TENT5D: variants seen among roughly 807,000 people sequenced by gnomAD.
TENT5D encodes the protein terminal nucleotidyltransferase 5D.
For missense variants in TENT5D, 191 were observed against 287.0 expected (o/e 0.67, Z 2.42); for synonymous variants, 103 against 100.6 (o/e 1.02, Z -0.15).
intron 3 of TENT5D, among the ~76,000 whole-genome samples, chrX:80,347,116 T>C (rs888579088): frequency 4.5e-5 from 5 of 111,951 alleles, no homozygotes; most frequent in African/African-American, 1.6e-4. Flanking sequence ...TTTGCTATTG[T>C]AAATATTGCT....
At chrX:80,378,293 A>G (rs1930776054) in intron 3 of TENT5D, among the ~76,000 whole-genome samples, 3 of 111,512 alleles carry the variant, frequency 2.7e-5, no homozygotes, top group Non-Finnish European at 3.8e-5. Context: ...TTGGTGTTTT[A>G]GACATGAAGT....
chrX:80,393,459 G>A (rs964253111), intron 3 of TENT5D, among the ~76,000 whole-genome samples: 1 of 110,508 alleles, frequency 9.0e-6, no homozygotes, highest in African/African-American at 3.3e-5. Flanking sequence ...TATATTTATG[G>A]GGTACAATGT....
chrX:80,369,718 A>T (rs1191447546), intron 3 of TENT5D, among the ~76,000 whole-genome samples: 5 of 111,531 alleles, frequency 4.5e-5, no homozygotes, highest in Non-Finnish European at 9.4e-5. Flanking sequence ...CTAAATACAG[A>T]TGGAAAATAC....
chrX:80,362,955 G>A (rs753274106), intron 3 of TENT5D, among the ~76,000 whole-genome samples: 1 of 111,915 alleles, frequency 8.9e-6, no homozygotes, highest in South Asian at 3.7e-4. Context: ...TCTCAAACCT[G>A]TTTAAGATAA....
intron 3 of TENT5D, among the ~76,000 whole-genome samples, chrX:80,397,635 G>A (rs745591185): frequency 6.7e-5 from 5 of 74,329 alleles, no homozygotes; most frequent in Admixed American, 1.7e-4. Flanking sequence ...TCCAGCCTGG[G>A]CACCATGGAG....
chrX:80,352,932 G>GC (rs1930215656), intron 3 of TENT5D, among the ~76,000 whole-genome samples: 1 of 110,162 alleles, frequency 9.1e-6, no homozygotes, highest in South Asian at 3.9e-4. Context: ...GGGGAGGGAG[G>GC]CCCCCAACTC....
chrX:80,442,895 A>G (rs780459324), exon 3 of TENT5D: 6 of 1,209,292 alleles, frequency 5.0e-6, no homozygotes, highest in African/African-American at 1.8e-5. Context: ...GTAAAGAAGG[A>G]AAAGCTCTCC....
intron 3 of TENT5D, among the ~76,000 whole-genome samples, chrX:80,346,881 A>G (rs1930074153): frequency 9.1e-6 from 1 of 109,356 alleles, no homozygotes; most frequent in African/African-American, 3.3e-5. Flanking sequence ...CCCTGTGTCT[A>G]TGTGTTCTCA....
At position 80,347,924 on chromosome X, in the gene TENT5D, T is replaced by C. The variant is rs191003808; in HGVS notation, c.-142+5360T>C. ...AGTTTTCCCAGCACCATTTATTAAA[T>C]AGGGAATCCTTTCCCCATTGCTTGT... On this transcript the variant is annotated intron_variant, in intron 3 of 4. Transcript: ENST00000538312. 4.5e-3 allele frequency among the ~76,000 whole-genome samples: 505 copies of C among 112,155 alleles called. 3 individuals are homozygous for C. The highest frequency in any genetic ancestry group is 0.015 in the African/African-American group (471 of 30,906).
intron 3 of TENT5D, among the ~76,000 whole-genome samples, chrX:80,351,107 G>A (rs1346775609): frequency 9.0e-6 from 1 of 110,819 alleles, no homozygotes; most frequent in Non-Finnish European, 1.9e-5. Flanking sequence ...TGGAGAATCT[G>A]ACGATTATGT....
intron 1 of TENT5D, among the ~76,000 whole-genome samples, chrX:80,436,564 C>T (rs1287770889): frequency 1.8e-5 from 2 of 110,112 alleles, no homozygotes; most frequent in African/African-American, 3.3e-5. Flanking sequence ...CGATAGGTCC[C>T]GGTGTGTGAT....
At chrX:80,396,968 T>A (rs1931270676) in intron 3 of TENT5D, among the ~76,000 whole-genome samples, 2 of 49,487 alleles carry the variant, frequency 4.0e-5, no homozygotes, top group African/African-American at 7.9e-5. Context: ...CACTTCCCAG[T>A]AGGGGCGGCT....
At chrX:80,394,320 G>T (rs1248197726) in intron 3 of TENT5D, among the ~76,000 whole-genome samples, 4 of 75,054 alleles carry the variant, frequency 5.3e-5, no homozygotes, top group South Asian at 6.4e-4. Flanking sequence ...ATGTTGAGCA[G>T]TTTTTTTTTT....
At chrX:80,402,577 GTATGT>G (rs769107920) in intron 3 of TENT5D, among the ~76,000 whole-genome samples, 2 of 111,611 alleles carry the variant, frequency 1.8e-5, no homozygotes, top group East Asian at 2.8e-4. Flanking sequence ...CATAAATTTG[GTATGT>G]TATATTTCCA....
chrX:80,373,212 T>A (rs1930661098), intron 3 of TENT5D, among the ~76,000 whole-genome samples: 1 of 111,245 alleles, frequency 9.0e-6, no homozygotes, highest in Non-Finnish European at 1.9e-5. Flanking sequence ...TTTTTAAAAT[T>A]ATTTTTTTCA....
At chrX:80,390,102 T>C (rs1931096998) in intron 3 of TENT5D, among the ~76,000 whole-genome samples, 1 of 111,250 alleles carries the variant, frequency 9.0e-6, no homozygotes, top group Admixed American at 9.5e-5. Context: ...GAAGGTAGCA[T>C]AGATAGCCAT....
chrX:80,382,699 C>G (rs919631671), intron 3 of TENT5D, among the ~76,000 whole-genome samples: 1 of 15,185 alleles, frequency 6.6e-5, no homozygotes, highest in African/African-American at 3.0e-4. Flanking sequence ...TCAGCAATGG[C>G]GGACGCCCCC....
At chrX:80,337,919 C>G (rs1929884023) in intron 2 of TENT5D, among the ~76,000 whole-genome samples, 1 of 110,906 alleles carries the variant, frequency 9.0e-6, no homozygotes, top group Admixed American at 9.6e-5. Context: ...CCCACGCCGC[C>G]ACACCCGGCT....
At chrX:80,355,854 G>A (rs1396651467) in intron 3 of TENT5D, among the ~76,000 whole-genome samples, 1 of 111,596 alleles carries the variant, frequency 9.0e-6, no homozygotes, top group East Asian at 2.8e-4. Flanking sequence ...CTTGGTAGGA[G>A]AAGCTCTTCC....
Sources: allele counts gnomAD v4.1 joint callset (sites outside exome capture counted in the v4.1 genomes callset), GRCh38; gene constraint gnomAD v4.1.1; transcripts MANE v1.5; gene names NCBI Gene and HGNC (gene_info 2026-07-23, HGNC 2026-07-21).